DLGAP1: variants seen among roughly 807,000 people sequenced by gnomAD.
The protein encoded by DLGAP1 is disks large-associated protein 1.
DLGAP1 carries 11 observed loss-of-function variants against 90.8 expected under a neutral mutation model. The ratio of observed to expected loss-of-function variants is 0.12; its 90% CI spans 0.08 to 0.20. The LOEUF (loss-of-function observed/expected upper bound fraction) is 0.20, where lower values mean the gene tolerates loss of function less well. DLGAP1 is among the 10% of genes least tolerant of loss of function. The pLI is 1.00. For synonymous variants in DLGAP1, 558 were observed against 540.7 expected (o/e 1.03, Z -0.44); for missense variants, 1,050 against 1,333.8 (o/e 0.79, Z 3.31).
chr18:4,129,793 C>G (rs944291208), intron 2 of DLGAP1, among the ~76,000 whole-genome samples: 1 of 152,116 alleles, frequency 6.6e-6, no homozygotes. Flanking sequence ...GGCAAAGAAT[C>G]TCTTCTTGCT....
intron 5 of DLGAP1, among the ~76,000 whole-genome samples, chr18:3,799,263 G>C (rs2066169000): frequency 2.6e-5 from 4 of 152,198 alleles, no homozygotes; most frequent in African/African-American, 2.4e-5. Flanking sequence ...TTTGTACACT[G>C]TTCTGCCTTC....
chr18:3,862,288 C>T (rs900596430), intron 4 of DLGAP1, among the ~76,000 whole-genome samples: 1 of 152,222 alleles, frequency 6.6e-6, no homozygotes, highest in African/African-American at 2.4e-5. Context: ...GATGCATTGC[C>T]AACTGCCATA....
At chr18:4,214,357 C>T (rs570211593) in intron 1 of DLGAP1, among the ~76,000 whole-genome samples, 1 of 151,170 alleles carries the variant, frequency 6.6e-6, no homozygotes, top group South Asian at 2.1e-4. Flanking sequence ...TAAAACCCTG[C>T]GTTTAACTCT....
At chr18:3,758,745 C>G (rs1017559767) in intron 5 of DLGAP1, among the ~76,000 whole-genome samples, 4 of 152,094 alleles carry the variant, frequency 2.6e-5, no homozygotes, top group African/African-American at 9.7e-5. Flanking sequence ...ATGCATATGA[C>G]TCATGCATAT....
At position 4,250,921 on chromosome 18, in the gene DLGAP1, TA is replaced by T. The variant is rs138749902; in HGVS notation, c.-266-99635del. On this transcript the variant is annotated intron_variant, in intron 1 of 12. Transcript: ENST00000315677. ...ACTTAAGTCAGCTACTATATTCAAT[TA>T]AAAAAAAACCCCACAAAAAACAGCC... is the stretch of plus-strand genomic sequence containing the variant. Among the ~76,000 whole-genome samples the T allele has an allele frequency of 1.9e-3, 288 of 150,670 alleles. 2 individuals carry two copies. The highest frequency in any genetic ancestry group is 6.1e-3 in the African/African-American group (250 of 41,052).
At chr18:4,024,656 A>G (rs2074670291) in intron 2 of DLGAP1, among the ~76,000 whole-genome samples, 1 of 152,152 alleles carries the variant, frequency 6.6e-6, no homozygotes, top group Admixed American at 6.5e-5. Flanking sequence ...GGGGAGAAAT[A>G]TTGGGTAAAG....
At chr18:3,717,278 C>CAG (rs2061797371) in intron 7 of DLGAP1, among the ~76,000 whole-genome samples, 2 of 152,016 alleles carry the variant, frequency 1.3e-5, no homozygotes, top group Non-Finnish European at 2.9e-5. Flanking sequence ...TGTTTATAGA[C>CAG]AGAGATTTGA....
chr18:4,296,702 G>T (rs1434581067), intron 1 of DLGAP1, among the ~76,000 whole-genome samples: 3 of 152,232 alleles, frequency 2.0e-5, no homozygotes, highest in African/African-American at 7.2e-5. Flanking sequence ...TTTACCTCTA[G>T]ATGCTGGCAA....
rs1245277565 is a variant in DLGAP1, at chr18:4,238,668, A to C, written c.-266-87381T>G. 2.0e-5 allele frequency among the ~76,000 whole-genome samples: 3 copies of C among 152,212 alleles called. No individual in the cohort carries two copies. In the South Asian group the frequency reaches 6.2e-4, roughly 32 times the overall value. Reference sequence around the variant, plus strand: ...TGATGATACAAGATAATGAGGGATTATATATGTATAGCAGCACTATTAATT... The same window carrying C: ...TGATGATACAAGATAATGAGGGATTCTATATGTATAGCAGCACTATTAATT... On this transcript the variant is annotated intron_variant, in intron 1 of 12. Transcript: ENST00000315677.
chr18:4,171,207 A>G (rs2077018845), intron 1 of DLGAP1, among the ~76,000 whole-genome samples: 1 of 152,190 alleles, frequency 6.6e-6, no homozygotes, highest in Non-Finnish European at 1.5e-5. Flanking sequence ...GGTTTCTGCA[A>G]GCCAAATGCA....
intron 7 of DLGAP1, among the ~76,000 whole-genome samples, chr18:3,646,400 A>G (rs1164077086): frequency 6.6e-6 from 1 of 151,168 alleles, no homozygotes; most frequent in Non-Finnish European, 1.5e-5. Flanking sequence ...AAAGAAAAAG[A>G]AAAAGATAGG....
At chr18:4,324,556 C>T (rs889533581) in intron 1 of DLGAP1, among the ~76,000 whole-genome samples, 34 of 152,012 alleles carry the variant, frequency 2.2e-4, no homozygotes, top group African/African-American at 8.0e-4. Context: ...CTGGCAGAGA[C>T]ACAACAACAA....
intron 7 of DLGAP1, chr18:3,721,841 A>G (rs1181735981): frequency 6.6e-6 from 1 of 152,158 alleles, no homozygotes; most frequent in Non-Finnish European, 1.5e-5. Flanking sequence ...TAACCTCTCT[A>G]AGTCTTACAT....
At chr18:4,247,653 T>A (rs2078682156) in intron 1 of DLGAP1, among the ~76,000 whole-genome samples, 1 of 152,062 alleles carries the variant, frequency 6.6e-6, no homozygotes, top group African/African-American at 2.4e-5. Flanking sequence ...GGCAGGCGCC[T>A]GTAATCCCAG....
intron 1 of DLGAP1, among the ~76,000 whole-genome samples, chr18:4,366,743 G>A (rs2081779175): frequency 6.6e-6 from 1 of 151,696 alleles, no homozygotes; most frequent in African/African-American, 2.4e-5. Context: ...GAGCCTGTGG[G>A]TTACCTTTAC....
At chr18:3,602,998 AAG>A (rs1353660164) in intron 7 of DLGAP1, 1 of 152,198 alleles carries the variant, frequency 6.6e-6, no homozygotes, top group Admixed American at 6.5e-5. Flanking sequence ...CTGTGTTCCA[AAG>A]AGAACACAAG....
chr18:4,201,368 T>C (rs893335526), intron 1 of DLGAP1, among the ~76,000 whole-genome samples: 15 of 152,288 alleles, frequency 9.8e-5, no homozygotes, highest in African/African-American at 3.6e-4. Flanking sequence ...GCACCGTTTA[T>C]TGAATAGGGG....
chr18:4,072,049 T>C (rs2075455353), intron 2 of DLGAP1, among the ~76,000 whole-genome samples: 1 of 152,222 alleles, frequency 6.6e-6, no homozygotes, highest in South Asian at 2.1e-4. Flanking sequence ...GGCTGCCTTG[T>C]AGAGGCTGAG....
intron 9 of DLGAP1, among the ~76,000 whole-genome samples, chr18:3,562,401 T>G (rs1454429229): frequency 6.6e-6 from 1 of 152,034 alleles, no homozygotes; most frequent in Non-Finnish European, 1.5e-5. Context: ...TCCCACCCGT[T>G]GTGGGAGGAA....
Sources: allele counts gnomAD v4.1 joint callset (sites outside exome capture counted in the v4.1 genomes callset), GRCh38; gene constraint gnomAD v4.1.1; transcripts MANE v1.5; gene names NCBI Gene and HGNC (gene_info 2026-07-23, HGNC 2026-07-21).